Variants in ALG12 observed in about 807,000 individuals in gnomAD.
ALG12 encodes ALG12 alpha-1,6-mannosyltransferase.
Under a neutral mutation model 46.0 loss-of-function variants are expected in ALG12, and 36 were observed. That is an observed-to-expected ratio of 0.78 (90% confidence interval 0.60 to 1.03). ALG12 has a LOEUF of 1.03. Among genes scored for constraint, ALG12 ranks in the 50% least tolerant of loss-of-function variants. The pLI is 0.00. For synonymous variants in ALG12, 326 were observed against 291.6 expected, an observed-to-expected ratio of 1.12 and a Z score of -1.20; for missense variants, 599 against 633.5, an observed-to-expected ratio of 0.95 and a Z score of 0.58.
In ALG12 at chr22:49,902,616, ACTGTGTATGCATGGT is replaced by A. The variant is rs2060518660; in HGVS notation, c.*1207_*1221del. 1 of 126,576 alleles carries A rather than the reference ACTGTGTATGCATGGT, an allele frequency of 7.9e-6. No individual in the cohort carries two copies. The allele number at this position is 126,576 out of a possible 1,614,324, so 7.8% of individuals were successfully genotyped here. On this transcript the variant is annotated 3_prime_UTR_variant, in exon 10 of 10. Coordinates refer to ENST00000330817, the MANE Select transcript of ALG12 (RefSeq NM_024105.4). ...GTATGCATGGTGTGTGCACGTGTGC[ACTGTGTATGCATGGT>A]AATGTGCACGTGTGCACTGTGTGGT...
rs2060536173 is a variant in ALG12, at chr22:49,905,214, C to G, written c.993-708G>C. Among the ~76,000 whole-genome samples the G allele has an allele frequency of 6.6e-6, 1 of 152,174 alleles. No homozygotes were observed. The highest frequency in any genetic ancestry group is 1.5e-5 in the Non-Finnish European group (1 of 68,030). ...CGGCAGAGTTAGCAGCTGCCACAGA[C>G]AGTGTGGCCCACGAAGATGAGGCTC... On this transcript the variant is annotated intron_variant, in intron 7 of 9. Transcript: ENST00000330817. The surrounding 1 kb of genome is among the most constrained non-coding windows in gnomAD (Gnocchi z 4.9).
the ALG12 span, among the ~76,000 whole-genome samples, chr22:49,875,443 CGG>C: frequency 7.0e-6 from 1 of 142,376 alleles, no homozygotes; most frequent in Non-Finnish European, 1.5e-5. Context: ...TTTTTTGAGA[CGG>C]AGTCTTGCTC....
Position 49,905,803 on chromosome 22 carries a change from A to G in ALG12, c.993-1297T>C, listed in dbSNP as rs1371642504. 6.6e-6 allele frequency among the ~76,000 whole-genome samples: 1 copy of G among 152,166 alleles called. No individual in the cohort carries two copies. The highest frequency in any genetic ancestry group is 1.5e-5 in the Non-Finnish European group (1 of 68,024). ...AGAGCAGACTAGTGCACCCTTGAACAATCTCTGGTGCGGTTTCTGAGCTCG... is the reference window on the plus strand; with the variant it reads ...AGAGCAGACTAGTGCACCCTTGAACGATCTCTGGTGCGGTTTCTGAGCTCG... On this transcript the variant is annotated intron_variant, in intron 7 of 9. Coordinates refer to ENST00000330817, the MANE Select transcript of ALG12 (RefSeq NM_024105.4). The surrounding 1 kb of genome is among the most constrained non-coding windows in gnomAD (Gnocchi z 4.9).
chr22:49,904,067 C>G lies in ALG12; in HGVS notation c.1239-1G>C. 1 of 1,614,152 alleles carries G rather than the reference C, an allele frequency of 6.2e-7. No individual in the cohort carries two copies. The highest frequency in any genetic ancestry group is 8.5e-7 in the Non-Finnish European group (1 of 1,179,998). On this transcript the variant is annotated splice_acceptor_variant, in intron 9 of 9. Coordinates refer to ENST00000330817, the MANE Select transcript of ALG12 (RefSeq NM_024105.4). LOFTEE classifies it high-confidence loss of function. ...CTGCACATCCTCCCTCTTGTCGTAC[C>G]TGTGGGATGAGAGCTGGTGGTCCTG... is the stretch of plus-strand genomic sequence containing the variant.
At chr22:49,885,428 G>C in the ALG12 span, 1 of 1,609,426 alleles carries the variant, frequency 6.2e-7, no homozygotes, top group Non-Finnish European at 8.5e-7. Flanking sequence ...ATCAGCCGGG[G>C]GAAGAAGCCG....
chr22:49,915,158 G>T (rs1032649429), intron 1 of ALG12, among the ~76,000 whole-genome samples: 1 of 152,222 alleles, frequency 6.6e-6, no homozygotes, highest in Non-Finnish European at 1.5e-5. Context: ...AAAGAAAAAA[G>T]AAAGCTTTAA....
the ALG12 span, among the ~76,000 whole-genome samples, chr22:49,891,848 A>G: frequency 6.6e-6 from 1 of 152,210 alleles, no homozygotes; most frequent in Non-Finnish European, 1.5e-5. Context: ...CACTCCTGCA[A>G]TAATAAAACA....
chr22:49,893,097 G>A, the ALG12 span, among the ~76,000 whole-genome samples: 1 of 152,204 alleles, frequency 6.6e-6, no homozygotes, highest in African/African-American at 2.4e-5. Context: ...ATAGATGAAA[G>A]GATTACTGAA....
intron 5 of ALG12, among the ~76,000 whole-genome samples, chr22:49,909,646 C>T (rs2060564034): frequency 6.6e-6 from 1 of 152,232 alleles, no homozygotes; most frequent in Non-Finnish European, 1.5e-5. Flanking sequence ...GACAAGCCGC[C>T]CTCCACTCTT....
chr22:49,862,781 A>G, the ALG12 span, among the ~76,000 whole-genome samples: 1,557 of 142,042 alleles, frequency 0.011, 17 homozygotes, highest in South Asian at 0.067. Flanking sequence ...GGCTCACTGC[A>G]ACCTCTGCCT....
chr22:49,869,593 C>CTCCTGAT, the ALG12 span, among the ~76,000 whole-genome samples: 1 of 152,192 alleles, frequency 6.6e-6, no homozygotes, highest in Non-Finnish European at 1.5e-5. Context: ...ATTCCTCTGT[C>CTCCTGAT]TCCTGATTTA....
chr22:49,894,017 T>C, the ALG12 span, among the ~76,000 whole-genome samples: 1 of 151,818 alleles, frequency 6.6e-6, no homozygotes, highest in Non-Finnish European at 1.5e-5. Context: ...AACAAAAAAT[T>C]AACTGGGCCT....
rs1424238981 is a variant in ALG12, at chr22:49,906,758, T to A, written c.992+963A>T. Reference sequence around the variant, plus strand: ...CTGTTCCCATCAAGGCAGCAAACTCTGAACGGGCACAGAGCTGGCCAGCCT... The same window carrying A: ...CTGTTCCCATCAAGGCAGCAAACTCAGAACGGGCACAGAGCTGGCCAGCCT... On this transcript the variant is annotated intron_variant, in intron 7 of 9. Transcript: ENST00000330817. The surrounding 1 kb of genome is among the most constrained non-coding windows in gnomAD (Gnocchi z 4.4). 6.6e-6 allele frequency among the ~76,000 whole-genome samples: 1 copy of A among 152,178 alleles called. No homozygotes were observed. Among genetic ancestry groups the A allele is most frequent in the Non-Finnish European group, 1.5e-5 (1 of 68,004 alleles).
rs750862845 is a variant in ALG12 at position 49,913,591 on chromosome 22, AG to A, written c.162+12del. The A allele has an allele frequency of 3.1e-6, 5 of 1,613,948 alleles. No individual in the cohort carries two copies. Among genetic ancestry groups the A allele is most frequent in the Admixed American group, 1.7e-5 (1 of 60,010 alleles). On this transcript the variant is annotated intron_variant, in intron 2 of 9. Transcript: ENST00000330817. ...ACATGAGGTTTTCCCCAAAGACAGCAGGGGCCCCTCACCTGCTCCAGGTCTT... is the reference window on the plus strand; with the variant it reads ...ACATGAGGTTTTCCCCAAAGACAGCAGGGCCCCTCACCTGCTCCAGGTCTT...
At chr22:49,910,216 T>G in intron 4 of ALG12, 128 bp from the exon 5 acceptor site, 1 of 1,242,572 alleles carries the variant, frequency 8.0e-7, no homozygotes, top group Non-Finnish European at 1.1e-6. Flanking sequence ...GAAAAGAAAC[T>G]GCTCAGAGCC....
At chr22:49,912,727 C>T (rs2060585689) in intron 3 of ALG12, among the ~76,000 whole-genome samples, 2 of 152,144 alleles carry the variant, frequency 1.3e-5, no homozygotes, top group Non-Finnish European at 2.9e-5. Flanking sequence ...TGTGACTGGG[C>T]GTGGTGGCTC....
downstream of ALG12, among the ~76,000 whole-genome samples, chr22:49,897,077 A>T (rs957736681): frequency 3.3e-5 from 5 of 152,066 alleles, no homozygotes; most frequent in Non-Finnish European, 7.3e-5. Context: ...TAAAATATCA[A>T]ATAGTTGGAC....
the ALG12 span, among the ~76,000 whole-genome samples, chr22:49,863,452 C>G: frequency 6.6e-6 from 1 of 152,130 alleles, no homozygotes; most frequent in Non-Finnish European, 1.5e-5. Flanking sequence ...CATGGTGAAA[C>G]CACGTCTCTA....
chr22:49,862,860 C>A, the ALG12 span, among the ~76,000 whole-genome samples: 1 of 151,976 alleles, frequency 6.6e-6, no homozygotes, highest in Non-Finnish European at 1.5e-5. Context: ...CACCACCACG[C>A]CTGGCTAATT....
Sources: gnomAD v4.1 joint callset for allele counts (sites outside exome capture counted in the v4.1 genomes callset) on GRCh38, gnomAD v4.1.1 for gene constraint, Gnocchi (gnomAD v3.1) non-coding constraint, MANE v1.5 for transcripts, NCBI Gene and HGNC (gene_info 2026-07-23, HGNC 2026-07-21) for gene names.